The following TRPM6 variants were observed in gnomAD, a reference collection of about 807,000 sequenced individuals.
The protein encoded by TRPM6 is transient receptor potential cation channel subfamily M member 6.
A neutral mutation model predicts 247.6 loss-of-function variants in TRPM6; 111 were observed. That is an observed-to-expected ratio of 0.45 (90% CI 0.38 to 0.52). The LOEUF is 0.52. TRPM6 is among the 20% of genes least tolerant of loss of function. TRPM6 has a pLI of 0.00. For synonymous variants in TRPM6, 892 were observed against 853.8 expected (o/e 1.04, Z -0.78); for missense variants, 2,126 against 2,421.5 (o/e 0.88, Z 2.56).
chr9:74,733,647 T>C (rs1825598474), intron 36 of TRPM6, among the ~76,000 whole-genome samples: 1 of 152,182 alleles, frequency 6.6e-6, no homozygotes, highest in Admixed American at 6.5e-5. Flanking sequence ...CCATACATGG[T>C]CAAAACAGGA....
At chr9:74,757,253 G>C (rs757344792) in intron 27 of TRPM6, among the ~76,000 whole-genome samples, 1 of 151,720 alleles carries the variant, frequency 6.6e-6, no homozygotes, top group Non-Finnish European at 1.5e-5. Flanking sequence ...TAGAACAAAA[G>C]AAATAATAAA....
chr9:74,832,484 G>A (rs896686801), intron 6 of TRPM6, among the ~76,000 whole-genome samples: 1 of 151,770 alleles, frequency 6.6e-6, no homozygotes, highest in Non-Finnish European at 1.5e-5. Flanking sequence ...AGAAATTCCT[G>A]GTAATTTTTT....
At chr9:74,822,843 T>A (rs943732195) in intron 7 of TRPM6, among the ~76,000 whole-genome samples, 2 of 152,066 alleles carry the variant, frequency 1.3e-5, no homozygotes, top group East Asian at 1.9e-4. Context: ...GTATATTTTT[T>A]AAAAATATAC....
At chr9:74,864,373 A>G (rs918244956) in intron 1 of TRPM6, among the ~76,000 whole-genome samples, 11 of 152,172 alleles carry the variant, frequency 7.2e-5, no homozygotes, top group African/African-American at 2.7e-4. Context: ...CAGCCCATCC[A>G]CTTTCAAGTG....
At chr9:74,864,932 G>A (rs1186160930) in intron 1 of TRPM6, among the ~76,000 whole-genome samples, 3 of 151,996 alleles carry the variant, frequency 2.0e-5, no homozygotes, top group Admixed American at 6.6e-5. Context: ...AATTAGCCAC[G>A]CGCAGTCGTG....
intron 36 of TRPM6, chr9:74,737,327 T>G (rs1183640043): frequency 9.5e-6 from 12 of 1,266,174 alleles, no homozygotes; most frequent in Non-Finnish European, 1.1e-5. Context: ...GTGACACAAG[T>G]TTCAATCAAA....
rs1285286311 is a variant in TRPM6, at chr9:74,843,388, G to A, written c.153-1045C>T. On this transcript the variant is annotated intron_variant, in intron 3 of 38. Coordinates refer to ENST00000360774, the MANE Select transcript of TRPM6 (RefSeq NM_017662.5). The stretch of plus-strand genomic sequence containing the variant: ...ATTTTGACCTCCTCCCATGAATCAC[G>A]AATGTTCTTAATGGCATCTAGAATG... 2.6e-5 allele frequency among the ~76,000 whole-genome samples: 4 copies of A among 152,200 alleles called. No individual in the cohort carries two copies. In the East Asian group the frequency reaches 7.7e-4, roughly 29 times the overall value.
intron 1 of TRPM6, among the ~76,000 whole-genome samples, chr9:74,868,631 G>A (rs1356227951): frequency 6.6e-6 from 1 of 152,206 alleles, no homozygotes; most frequent in Non-Finnish European, 1.5e-5. Context: ...CAGGACACTA[G>A]TGAAGGAGAA....
chr9:74,728,404 G>A lies in TRPM6; in HGVS notation c.5829-59C>T, dbSNP rs960053305. On this transcript the variant is annotated intron_variant, in intron 37 of 38. Transcript: ENST00000360774. ...AGCTAAGAAAAAGGAGCTCAACTAG[G>A]ATTCTCCGAGATACCGAACAGTATC... 4.2e-6 allele frequency: 5 copies of A among 1,183,936 alleles called. No individual in the cohort carries two copies. In the African/African-American group the frequency reaches 7.5e-5, roughly 18 times the overall value. 73.3% of individuals were successfully genotyped at this position (1,183,936 alleles called of 1,614,324 possible).
At chr9:74,868,161 C>T (rs1830913981) in intron 1 of TRPM6, among the ~76,000 whole-genome samples, 1 of 143,658 alleles carries the variant, frequency 7.0e-6, no homozygotes, top group Non-Finnish European at 1.5e-5. Flanking sequence ...AAAAAAAAAA[C>T]TTTGACACCT....
At chr9:74,858,838 A>G (rs1023948345) in intron 1 of TRPM6, 90 bp from the exon 2 acceptor site, 14 of 1,028,230 alleles carry the variant, frequency 1.4e-5, no homozygotes, top group Non-Finnish European at 2.1e-5. Flanking sequence ...ATACTCAAGT[A>G]TCATGAATGC....
chr9:74,817,299 G>C (rs769312517), intron 9 of TRPM6, among the ~76,000 whole-genome samples: 2 of 152,106 alleles, frequency 1.3e-5, no homozygotes, highest in African/African-American at 2.4e-5. Context: ...AAGAGACAAC[G>C]AATGAAATCC....
rs377392147 is a variant in TRPM6 at position 74,775,466 on chromosome 9, T to G, written c.3403+417A>C. Among the ~76,000 whole-genome samples the G allele has an allele frequency of 6.8e-4, 103 of 152,304 alleles. 4 individuals are homozygous for G. In the South Asian group the frequency reaches 9.3e-3, roughly 14 times the overall value. On this transcript the variant is annotated intron_variant, in intron 24 of 38. Coordinates refer to ENST00000360774, the MANE Select transcript of TRPM6 (RefSeq NM_017662.5). ...TCTGGTTAAAGCCCAGCTTTGCTTATCTTTTCTCTTAGACCCCAAGGCCTT... is the reference window on the plus strand; with the variant it reads ...TCTGGTTAAAGCCCAGCTTTGCTTAGCTTTTCTCTTAGACCCCAAGGCCTT...
In TRPM6 at chr9:74,808,173, T is replaced by C; in HGVS notation, c.1499A>G (p.His500Arg). 1.9e-6 allele frequency: 3 copies of C among 1,613,988 alleles called. No individual in the cohort carries two copies. Among genetic ancestry groups the C allele is most frequent in the Middle Eastern group, 1.7e-4 (1 of 6,056 alleles). ...LHHLVQDVKQ[H>R]TLLSGYRITL... is the part of the protein sequence containing the mutation. ...TATTCGGTAGCCTGAAAGAAGGGTA[T>C]GCTGCAACAAAAACATGCAACGACT... The change falls in exon 14 of 39, where the codon CAT (histidine) becomes CGT (arginine). Residue 500 changes from histidine to arginine, a missense_variant and splice_region_variant. His to Arg is a conservative substitution (Grantham distance 29). Coordinates refer to ENST00000360774, the MANE Select transcript of TRPM6 (RefSeq NM_017662.5).
chr9:74,826,383 C>T (rs950952152), intron 7 of TRPM6, among the ~76,000 whole-genome samples: 1 of 152,166 alleles, frequency 6.6e-6, no homozygotes, highest in Non-Finnish European at 1.5e-5. Flanking sequence ...TTCATTTTTT[C>T]AGCCCAATGC....
intron 15 of TRPM6, among the ~76,000 whole-genome samples, chr9:74,803,495 G>T (rs1465331243): frequency 6.6e-6 from 1 of 152,146 alleles, no homozygotes; most frequent in Non-Finnish European, 1.5e-5. Context: ...GTATGGTGTT[G>T]GGTTAATGAT....
intron 1 of TRPM6, among the ~76,000 whole-genome samples, chr9:74,859,813 T>C (rs1384104415): frequency 6.6e-6 from 1 of 151,916 alleles, no homozygotes; most frequent in African/African-American, 2.4e-5. Flanking sequence ...TATTACTTTA[T>C]ACACACATAG....
intron 19 of TRPM6, among the ~76,000 whole-genome samples, chr9:74,791,825 G>A (rs867766269): frequency 1.3e-5 from 2 of 151,976 alleles, no homozygotes; most frequent in South Asian, 2.1e-4. Context: ...GCGCAATCTC[G>A]GCTCACTGCA....
Position 74,820,536 on chromosome 9 carries a change from G to C in TRPM6, c.1011-109C>G, listed in dbSNP as rs1389240967. On this transcript the variant is annotated intron_variant, in intron 8 of 38. Transcript: ENST00000360774. The stretch of plus-strand genomic sequence containing the variant: ...TCCCCAGACTGAAAAGGTGTCTATG[G>C]ACAGTTCTGCCAGAAGAGCAAATGA... 2.2e-6 allele frequency: 3 copies of C among 1,370,218 alleles called. No individual in the cohort carries two copies. In the African/African-American group the frequency reaches 4.3e-5, roughly 20 times the overall value. The allele number at this position is 1,370,218 out of a possible 1,614,324, so 84.9% of individuals were successfully genotyped here.
Sources: gnomAD v4.1 joint callset for allele counts (sites outside exome capture counted in the v4.1 genomes callset) on GRCh38, gnomAD v4.1.1 for gene constraint, MANE v1.5 for transcripts, NCBI Gene and HGNC (gene_info 2026-07-23, HGNC 2026-07-21) for gene names.